SNRPN: variants seen among roughly 807,000 people sequenced by gnomAD.
SNRPN encodes the protein small nuclear ribonucleoprotein-associated protein N.
Under a neutral mutation model 25.2 loss-of-function variants are expected in SNRPN, and 7 were observed. The observed-to-expected ratio is 0.28, with a 90% confidence interval of 0.16 to 0.52. The LOEUF (loss-of-function observed/expected upper bound fraction) is 0.52, where lower values mean the gene tolerates loss of function less well. SNRPN is among the 20% of genes least tolerant of loss of function. The pLI is 0.96. For synonymous variants in SNRPN, 124 were observed against 110.6 expected (o/e 1.12, Z -0.76); for missense variants, 196 against 322.5 (o/e 0.61, Z 3.00).
Position 24,975,521 on chromosome 15 carries a change from T to C in SNRPN, c.155+12T>C. On this transcript the variant is annotated intron_variant, in intron 5 of 9. Coordinates refer to ENST00000390687, the MANE Select transcript of SNRPN (RefSeq NM_003097.6). The stretch of plus-strand genomic sequence containing the variant: ...TTCAGAAAGATCAAGTAAGGCTGAT[T>C]TGGGCAAATGGGGGTTGGACACAGA... 6.2e-7 allele frequency: 1 copy of C among 1,611,012 alleles called. No individual in the cohort carries two copies. The highest frequency in any genetic ancestry group is 8.5e-7 in the Non-Finnish European group (1 of 1,178,240).
At chr15:24,907,960 G>A (rs1201979317) in intron 2 of SNRPN, among the ~76,000 whole-genome samples, 1 of 149,632 alleles carries the variant, frequency 6.7e-6, no homozygotes, top group Non-Finnish European at 1.5e-5. Flanking sequence ...GGCTGAGGCA[G>A]GAGAATCACT....
At chr15:24,899,980 A>G (rs2201840) in intron 2 of SNRPN, among the ~76,000 whole-genome samples, 124,642 of 152,142 alleles carry the variant, frequency 0.82, 51,591 homozygotes, top group East Asian at 0.99. Flanking sequence ...GGCACATTCC[A>G]CAGCTCCTTG....
intron 5 of SNRPN, among the ~76,000 whole-genome samples, 179 bp downstream of exon 5, chr15:24,975,688 C>T (rs1370300345): frequency 6.6e-6 from 1 of 152,134 alleles, no homozygotes; most frequent in African/African-American, 2.4e-5. Flanking sequence ...CATCTGAACT[C>T]TTTTAAGTTT....
upstream of SNRPN, among the ~76,000 whole-genome samples, chr15:24,952,918 G>GA (rs56959594): frequency 4.3e-3 from 654 of 151,310 alleles, 2 homozygotes; most frequent in Admixed American, 8.2e-3. Flanking sequence ...AGGATATTAG[G>GA]AAAAAAAAGA....
intron 1 of SNRPN, among the ~76,000 whole-genome samples, chr15:24,868,119 G>GTA (rs1281653591): frequency 9.8e-5 from 13 of 132,512 alleles, no homozygotes; most frequent in African/African-American, 3.0e-4. Flanking sequence ...GGGTGTGTGT[G>GTA]TGTATATATA....
At position 24,879,027 on chromosome 15, in the gene SNRPN, T is replaced by A. The variant is rs983856568; in HGVS notation, c.-578-7489T>A. 7.2e-5 allele frequency among the ~76,000 whole-genome samples: 11 copies of A among 152,000 alleles called. No individual in the cohort carries two copies. In the South Asian group the frequency reaches 1.4e-3, roughly 20 times the overall value. On this transcript the variant is annotated intron_variant, in intron 1 of 11. Coordinates refer to the SNRPN transcript ENST00000400097. Reference sequence around the variant, plus strand: ...GGTTGAATTTTCAAAAATATATTTTTAAAATATATTTAAAAAAGTATTTTT... The same window carrying A: ...GGTTGAATTTTCAAAAATATATTTTAAAAATATATTTAAAAAAGTATTTTT...
At chr15:24,838,328 C>T (rs1477845207) in intron 2 of SNRPN, among the ~76,000 whole-genome samples, 1 of 152,180 alleles carries the variant, frequency 6.6e-6, no homozygotes, top group Non-Finnish European at 1.5e-5. Context: ...AGCCACCATG[C>T]CCGGCGCCAA....
At chr15:24,935,649 G>A (rs112183895) in intron 3 of SNRPN, among the ~76,000 whole-genome samples, 3 of 152,182 alleles carry the variant, frequency 2.0e-5, no homozygotes, top group Non-Finnish European at 2.9e-5. Flanking sequence ...GTCATCTCAA[G>A]CATGTGTGAT....
intron 1 of SNRPN, chr15:24,886,495 A>C (rs2057220191): frequency 6.6e-6 from 1 of 151,562 alleles, no homozygotes; most frequent in South Asian, 2.1e-4. Context: ...GTATCATTGA[A>C]TATGACTTTT....
At chr15:24,846,061 G>A (rs1432025303) in intron 2 of SNRPN, among the ~76,000 whole-genome samples, 2 of 151,442 alleles carry the variant, frequency 1.3e-5, no homozygotes, top group Non-Finnish European at 1.5e-5. Flanking sequence ...CTCCAGCTGG[G>A]GTGACAGAAC....
intron 2 of SNRPN, among the ~76,000 whole-genome samples, chr15:24,840,579 C>T (rs554687640): frequency 6.6e-6 from 1 of 152,262 alleles, no homozygotes; most frequent in South Asian, 2.1e-4. Context: ...CCTGCTGCTG[C>T]AAAGGGTTCC....
chr15:24,842,725 T>C (rs1260148062), intron 2 of SNRPN, among the ~76,000 whole-genome samples: 1 of 152,176 alleles, frequency 6.6e-6, no homozygotes, highest in Non-Finnish European at 1.5e-5. Context: ...AGACAGTCCC[T>C]CCCTAGCTCA....
At chr15:24,973,670 G>C (rs546564806) in intron 3 of SNRPN, among the ~76,000 whole-genome samples, 3 of 152,302 alleles carry the variant, frequency 2.0e-5, no homozygotes, top group African/African-American at 4.8e-5. Context: ...CTGGTGCTGG[G>C]ATTACAGGCG....
intron 2 of SNRPN, among the ~76,000 whole-genome samples, chr15:24,847,420 C>T (rs2144843838): frequency 6.6e-6 from 1 of 152,238 alleles, no homozygotes; most frequent in East Asian, 1.9e-4. Context: ...GCGGGCAGAT[C>T]ACTTGAGGCC....
chr15:24,881,565 G>T (rs1159869636), intron 1 of SNRPN, among the ~76,000 whole-genome samples: 1 of 38,118 alleles, frequency 2.6e-5, no homozygotes, highest in Non-Finnish European at 6.3e-5. Context: ...GGGAGGGAGG[G>T]AGGGAGGGAG....
intron 1 of SNRPN, among the ~76,000 whole-genome samples, chr15:24,883,566 C>G (rs935515738): frequency 1.3e-5 from 2 of 152,208 alleles, no homozygotes; most frequent in African/African-American, 4.8e-5. Context: ...TGGATAATAA[C>G]AGGCATCATT....
intron 3 of SNRPN, among the ~76,000 whole-genome samples, chr15:24,939,214 A>G (rs1208129772): frequency 4.6e-5 from 7 of 152,112 alleles, no homozygotes; most frequent in African/African-American, 1.2e-4. Context: ...AAGGTTTTCA[A>G]TTCCTCTGGT....
chr15:24,825,230 C>A (rs890021893), intron 1 of SNRPN, among the ~76,000 whole-genome samples: 1 of 151,774 alleles, frequency 6.6e-6, no homozygotes, highest in East Asian at 1.9e-4. Context: ...TTTTAAGTAA[C>A]CCTCATCTTC....
rs1464879453 is a variant in SNRPN at position 24,929,566 on chromosome 15, A to G, written c.-391+9442A>G. 1.3e-5 allele frequency among the ~76,000 whole-genome samples: 2 copies of G among 152,068 alleles called. No individual in the cohort carries two copies. The highest frequency in any genetic ancestry group is 1.9e-4 in the East Asian group (1 of 5,170). ...TACCCTGTCAGTTGGGTGTCCCCTC[A>G]TGAGGGTGGCAGACTGTCTCCTTGA... On this transcript the variant is annotated intron_variant, in intron 3 of 11. Transcript: ENST00000400097. This position sits in a 1 kb window ranked among gnomAD's most constrained non-coding sequence, Gnocchi z 5.3.
Sources: gnomAD v4.1 joint callset for allele counts (sites outside exome capture counted in the v4.1 genomes callset) on GRCh38, gnomAD v4.1.1 for gene constraint, Gnocchi (gnomAD v3.1) non-coding constraint, MANE v1.5 for transcripts, NCBI Gene and HGNC (gene_info 2026-07-23, HGNC 2026-07-21) for gene names.